The following IMMP2L variants were observed in gnomAD, a reference collection of about 807,000 sequenced individuals.
The protein encoded by IMMP2L is inner mitochondrial membrane peptidase subunit 2.
Under a neutral mutation model 19.3 loss-of-function variants are expected in IMMP2L, and 18 were observed. That is an observed-to-expected ratio of 0.93 (90% CI 0.64 to 1.38). IMMP2L has a LOEUF of 1.38. Ranked by LOEUF, IMMP2L falls within the 40% of genes most tolerant of loss-of-function variation. IMMP2L has a pLI of 0.00. For missense variants in IMMP2L, 233 were observed against 218.2 expected (o/e 1.07, Z -0.43); for synonymous variants, 76 against 73.0 (o/e 1.04, Z -0.21).
chr7:110,666,371 G>A (rs10241987), intron 5 of IMMP2L, among the ~76,000 whole-genome samples: 12 of 152,020 alleles, frequency 7.9e-5, no homozygotes, highest in East Asian at 3.9e-4. Flanking sequence ...ACCTCCTGGG[G>A]TCACGCCATT....
chr7:111,419,620 C>A (rs897851908), intron 3 of IMMP2L, among the ~76,000 whole-genome samples: 1 of 151,704 alleles, frequency 6.6e-6, no homozygotes, highest in African/African-American at 2.4e-5. Context: ...AGTTGTCCTG[C>A]CTTTCTGGAC....
At chr7:110,999,106 A>G (rs1823354508) in intron 3 of IMMP2L, among the ~76,000 whole-genome samples, 16 of 152,096 alleles carry the variant, frequency 1.1e-4, no homozygotes, top group Admixed American at 1.0e-3. Context: ...TGCTGCCCCC[A>G]TGTAAATCAG....
chr7:110,833,302 G>A (rs1250909217), intron 5 of IMMP2L, among the ~76,000 whole-genome samples: 3 of 151,904 alleles, frequency 2.0e-5, no homozygotes, highest in African/African-American at 7.3e-5. Flanking sequence ...AGCAGGGTGT[G>A]GTGGTGGGTG....
intron 4 of IMMP2L, among the ~76,000 whole-genome samples, chr7:110,892,846 A>C (rs2129546277): frequency 6.6e-6 from 1 of 152,302 alleles, no homozygotes; most frequent in East Asian, 1.9e-4. Context: ...CAGTCACATA[A>C]TCACTATTTA....
chr7:110,815,518 T>C (rs1238429891), intron 5 of IMMP2L, among the ~76,000 whole-genome samples: 1 of 152,136 alleles, frequency 6.6e-6, no homozygotes, highest in Non-Finnish European at 1.5e-5. Context: ...TTTCTATTGA[T>C]TGGAATAGTT....
At chr7:111,250,768 G>A (rs1816012746) in intron 3 of IMMP2L, among the ~76,000 whole-genome samples, 1 of 152,048 alleles carries the variant, frequency 6.6e-6, no homozygotes, top group Non-Finnish European at 1.5e-5. Flanking sequence ...ATGGATTAAA[G>A]ACTTAAATGT....
chr7:111,499,352 G>A (rs1209588162), intron 2 of IMMP2L, among the ~76,000 whole-genome samples: 1 of 152,082 alleles, frequency 6.6e-6, no homozygotes, highest in Non-Finnish European at 1.5e-5. Flanking sequence ...CTGCCCTCTA[G>A]CTCCAATGAA....
intron 3 of IMMP2L, among the ~76,000 whole-genome samples, chr7:111,016,822 A>G (rs1366959353): frequency 5.1e-5 from 3 of 58,424 alleles, no homozygotes; most frequent in Non-Finnish European, 6.5e-5. Context: ...TATATTATAT[A>G]TAATATATAG....
chr7:111,447,596 C>A (rs1371147480), intron 3 of IMMP2L, among the ~76,000 whole-genome samples: 1 of 150,800 alleles, frequency 6.6e-6, no homozygotes, highest in East Asian at 2.0e-4. Context: ...CCAGCCGCTG[C>A]AAAATCATGC....
chr7:111,122,729 G>A (rs368767890), intron 3 of IMMP2L: 23 of 1,480,098 alleles, frequency 1.6e-5, no homozygotes, highest in Non-Finnish European at 2.0e-5. Flanking sequence ...CACTGACTGT[G>A]GAATCCTTAA....
intron 5 of IMMP2L, among the ~76,000 whole-genome samples, chr7:110,729,361 C>G (rs6466354): frequency 0.87 from 132,405 of 152,212 alleles, 57,716 homozygotes; most frequent in Middle Eastern, 0.91. Flanking sequence ...AGGAGACAGA[C>G]AGCGCATGGA....
intron 3 of IMMP2L, among the ~76,000 whole-genome samples, chr7:111,459,324 A>G (rs1415265236): frequency 6.6e-6 from 1 of 152,148 alleles, no homozygotes; most frequent in Non-Finnish European, 1.5e-5. Flanking sequence ...AATACTGACA[A>G]GCTTATTTCC....
intron 5 of IMMP2L, among the ~76,000 whole-genome samples, chr7:110,735,422 T>C (rs1796551377): frequency 6.6e-6 from 1 of 151,954 alleles, no homozygotes; most frequent in African/African-American, 2.4e-5. Flanking sequence ...TTGATCTCTG[T>C]GGCCCTGAAA....
intron 1 of IMMP2L, among the ~76,000 whole-genome samples, chr7:111,541,181 A>C (rs746777011): frequency 7.9e-5 from 12 of 152,172 alleles, no homozygotes; most frequent in Non-Finnish European, 7.4e-5. Flanking sequence ...CCTCCCTCAC[A>C]GTACTAAAAT....
At position 110,758,426 on chromosome 7, in the gene IMMP2L, A is replaced by G. The variant is rs6943076; in HGVS notation, c.409-94705T>C. Among the ~76,000 whole-genome samples, 146,256 of 152,142 alleles carry G rather than the reference A, an allele frequency of 0.96. 70,313 individuals carry two copies. The highest frequency in any genetic ancestry group is 0.98 in the East Asian group (5,035 of 5,154). ...AAACAGCACGTTAGTATGCTATTGGAAAAGATCTTATAGACAGGATAATAT... is the reference window on the plus strand; with the variant it reads ...AAACAGCACGTTAGTATGCTATTGGGAAAGATCTTATAGACAGGATAATAT... On this transcript the variant is annotated intron_variant, in intron 5 of 5. Transcript: ENST00000405709. The surrounding 1 kb of genome is among the most constrained non-coding windows in gnomAD (Gnocchi z 4.6).
At chr7:110,962,981 C>T in intron 4 of IMMP2L, 4 of 1,484,880 alleles carry the variant, frequency 2.7e-6, no homozygotes, top group East Asian at 2.5e-5. Flanking sequence ...TACGACATTA[C>T]TAAAGGCTGC....
intron 5 of IMMP2L, among the ~76,000 whole-genome samples, chr7:110,820,375 C>T (rs904741668): frequency 3.9e-5 from 6 of 151,940 alleles, no homozygotes; most frequent in Admixed American, 6.6e-5. Context: ...ACAAGAAAAT[C>T]TCTTCTTATG....
chr7:111,301,221 CTTAT>C (rs1028448724), intron 3 of IMMP2L, among the ~76,000 whole-genome samples: 1 of 152,072 alleles, frequency 6.6e-6, no homozygotes, highest in African/African-American at 2.4e-5. Flanking sequence ...TTTCATTGTA[CTTAT>C]TTGTCATCTG....
intron 3 of IMMP2L, among the ~76,000 whole-genome samples, chr7:111,361,179 G>T (rs1034476677): frequency 2.4e-4 from 36 of 152,058 alleles, no homozygotes; most frequent in African/African-American, 8.2e-4. Context: ...AAAATGCTAG[G>T]CAGCCTTCCT....
Sources: allele counts gnomAD v4.1 joint callset (sites outside exome capture counted in the v4.1 genomes callset), GRCh38; gene constraint gnomAD v4.1.1; non-coding constraint Gnocchi (gnomAD v3.1); transcripts MANE v1.5; gene names NCBI Gene and HGNC (gene_info 2026-07-23, HGNC 2026-07-21).